The following KCNIP4 variants were observed in gnomAD, a reference collection of about 807,000 sequenced individuals.
KCNIP4 encodes the protein potassium voltage-gated channel interacting protein 4.
In KCNIP4, 12 loss-of-function variants were observed where a neutral mutation model predicts 34.0. The observed-to-expected ratio is 0.35, with a 90% CI of 0.23 to 0.57. The LOEUF (loss-of-function observed/expected upper bound fraction) is 0.57. Ranked by LOEUF, KCNIP4 falls within the 20% of genes least tolerant of loss-of-function variation. The pLI, the probability that KCNIP4 is intolerant of heterozygous loss-of-function variation, is 0.83. For missense variants in KCNIP4, 238 were observed against 311.7 expected, an observed-to-expected ratio of 0.76 and a Z score of 1.78; for synonymous variants, 124 against 102.2, an observed-to-expected ratio of 1.21 and a Z score of -1.29.
chr4:21,513,299 G>A (rs996119982), intron 1 of KCNIP4, among the ~76,000 whole-genome samples: 7 of 152,080 alleles, frequency 4.6e-5, no homozygotes, highest in African/African-American at 1.4e-4. Flanking sequence ...GAAGACTCTC[G>A]TTCAGGCAAA....
intron 1 of KCNIP4, among the ~76,000 whole-genome samples, chr4:21,602,992 A>T (rs1743319792): frequency 6.6e-6 from 1 of 152,170 alleles, no homozygotes; most frequent in Non-Finnish European, 1.5e-5. Context: ...GCATCTACAT[A>T]TCTATTCAGC....
intron 1 of KCNIP4, among the ~76,000 whole-genome samples, chr4:21,808,288 T>C (rs1248020763): frequency 6.6e-6 from 1 of 152,168 alleles, no homozygotes; most frequent in Non-Finnish European, 1.5e-5. Context: ...ACATAGATTT[T>C]CTTCCTCTTC....
chr4:21,540,928 T>G (rs1737630973), intron 1 of KCNIP4, among the ~76,000 whole-genome samples: 1 of 152,030 alleles, frequency 6.6e-6, no homozygotes, highest in Admixed American at 6.6e-5. Flanking sequence ...CCCAGCACTT[T>G]GGGAGGCCGA....
chr4:21,154,749 A>G (rs1753021197), intron 1 of KCNIP4, among the ~76,000 whole-genome samples: 1 of 152,214 alleles, frequency 6.6e-6, no homozygotes, highest in African/African-American at 2.4e-5. Flanking sequence ...GGACTTTACC[A>G]AAGCTCTTTA....
rs145905074 is a variant in KCNIP4, at chr4:21,704,839, C to T, written c.61+243732G>A. 3.4e-3 allele frequency among the ~76,000 whole-genome samples: 520 copies of T among 152,152 alleles called. 3 individuals are homozygous for T. Among genetic ancestry groups the T allele is most frequent in the African/African-American group, 0.011 (441 of 41,536 alleles). Reference sequence around the variant, plus strand: ...TAAAATTCCGAACATACATCACCTACAAAACCTAGCAATTGTACTCCAGAG... The same window carrying T: ...TAAAATTCCGAACATACATCACCTATAAAACCTAGCAATTGTACTCCAGAG... On this transcript the variant is annotated intron_variant, in intron 1 of 8. Coordinates refer to ENST00000382152, the MANE Select transcript of KCNIP4 (RefSeq NM_025221.6).
At chr4:21,774,911 C>T (rs930864356) in intron 1 of KCNIP4, among the ~76,000 whole-genome samples, 3 of 152,082 alleles carry the variant, frequency 2.0e-5, no homozygotes, top group Non-Finnish European at 2.9e-5. Context: ...GTTCAGTGTA[C>T]TTTTTTATTA....
chr4:21,840,895 C>A (rs1723636668), intron 1 of KCNIP4, among the ~76,000 whole-genome samples: 1 of 152,092 alleles, frequency 6.6e-6, no homozygotes, highest in Non-Finnish European at 1.5e-5. Flanking sequence ...CAATAAATTT[C>A]TTTATTGCTT....
rs11416440 is a variant in KCNIP4, at chr4:20,993,027, CAAAA to C, written c.62-110322_62-110319del. ...CAGGCGACAGAGTGAGACTCCATCT[CAAAA>C]AAAAAAAAAAAAAAAAAAAAGAGAG... On this transcript the variant is annotated intron_variant, in intron 1 of 8. Transcript: ENST00000382152. 7.8e-3 allele frequency among the ~76,000 whole-genome samples: 328 copies of C among 42,032 alleles called. 1 individual carries two copies. Among genetic ancestry groups the C allele is most frequent in the Non-Finnish European group, 0.012 (280 of 22,936 alleles). 27.6% of individuals were successfully genotyped at this position (42,032 alleles called of 152,430 possible). A position where few individuals can be genotyped will look rare whatever the true frequency, so the allele number is the denominator to read the frequency against.
chr4:21,684,496 C>T (rs963889089), intron 1 of KCNIP4, among the ~76,000 whole-genome samples: 1 of 151,998 alleles, frequency 6.6e-6, no homozygotes, highest in Non-Finnish European at 1.5e-5. Flanking sequence ...ATCTGTTATG[C>T]TTTTATAATA....
chr4:21,215,135 C>T (rs1399005239), intron 1 of KCNIP4, among the ~76,000 whole-genome samples: 1 of 152,212 alleles, frequency 6.6e-6, no homozygotes, highest in Admixed American at 6.5e-5. Context: ...ATATTATCCT[C>T]ACTCTGACAT....
chr4:21,139,852 A>G (rs1234644179), intron 1 of KCNIP4, among the ~76,000 whole-genome samples: 2 of 152,214 alleles, frequency 1.3e-5, no homozygotes, highest in Non-Finnish European at 1.5e-5. Context: ...CACTATTTTT[A>G]GAAGTGTAGA....
At chr4:21,580,519 C>G (rs1741125996) in intron 1 of KCNIP4, among the ~76,000 whole-genome samples, 1 of 152,072 alleles carries the variant, frequency 6.6e-6, no homozygotes, top group African/African-American at 2.4e-5. Flanking sequence ...TAAAAGTATA[C>G]TACCGAATAT....
chr4:21,427,447 T>A (rs1726031761), intron 1 of KCNIP4, among the ~76,000 whole-genome samples: 1 of 152,110 alleles, frequency 6.6e-6, no homozygotes, highest in Non-Finnish European at 1.5e-5. Context: ...TGGGAAAGGC[T>A]AATGAAACCA....
intron 1 of KCNIP4, among the ~76,000 whole-genome samples, chr4:21,054,449 G>A (rs1743223157): frequency 6.6e-6 from 1 of 151,724 alleles, no homozygotes; most frequent in South Asian, 2.1e-4. Context: ...AACCTGGGAG[G>A]CAGAGGTTGC....
chr4:21,334,141 T>A (rs566912718), intron 1 of KCNIP4, among the ~76,000 whole-genome samples: 17 of 152,076 alleles, frequency 1.1e-4, no homozygotes, highest in African/African-American at 4.1e-4. Flanking sequence ...TGGTTGAGAG[T>A]TAAAGCTCAG....
chr4:21,279,315 A>G (rs1762632775), intron 1 of KCNIP4, among the ~76,000 whole-genome samples: 1 of 152,098 alleles, frequency 6.6e-6, no homozygotes, highest in South Asian at 2.1e-4. Flanking sequence ...TTTTTCTGTT[A>G]TAGGTGAAGG....
chr4:21,833,784 G>T (rs971799030), intron 1 of KCNIP4, among the ~76,000 whole-genome samples: 8 of 152,156 alleles, frequency 5.3e-5, no homozygotes, highest in Non-Finnish European at 1.2e-4. Context: ...TGTAAGGAAG[G>T]GTTCCAGTTT....
chr4:21,381,128 G>A (rs144798962), intron 1 of KCNIP4, among the ~76,000 whole-genome samples: 101 of 152,266 alleles, frequency 6.6e-4, no homozygotes, highest in Non-Finnish European at 1.3e-3. Flanking sequence ...CTGTGCCTTC[G>A]TTAATAACTA....
At chr4:21,248,758 A>G (rs1386319285) in intron 1 of KCNIP4, among the ~76,000 whole-genome samples, 1 of 152,146 alleles carries the variant, frequency 6.6e-6, no homozygotes, top group East Asian at 1.9e-4. Flanking sequence ...GGCTTAACAT[A>G]TATTTTCTCC....
Sources: allele counts gnomAD v4.1 joint callset (sites outside exome capture counted in the v4.1 genomes callset), GRCh38; gene constraint gnomAD v4.1.1; transcripts MANE v1.5; gene names NCBI Gene and HGNC (gene_info 2026-07-23, HGNC 2026-07-21).